Variants in C19orf47 observed in about 807,000 individuals in gnomAD.
C19orf47 encodes the protein uncharacterized protein C19orf47.
In C19orf47, 18 loss-of-function variants were observed where a neutral mutation model predicts 32.3. The ratio of observed to expected loss-of-function variants is 0.56; its 90% CI spans 0.39 to 0.83. The LOEUF (loss-of-function observed/expected upper bound fraction) is 0.83. Among genes scored for constraint, C19orf47 ranks in the 40% least tolerant of loss-of-function variants. C19orf47 has a pLI of 0.00. For missense variants in C19orf47, 484 were observed against 531.6 expected (o/e 0.91, Z 0.88); for synonymous variants, 202 against 211.1 (o/e 0.96, Z 0.37).
chr19:40,344,352 G>A (rs558271267), intron 1 of C19orf47, among the ~76,000 whole-genome samples: 22 of 151,868 alleles, frequency 1.4e-4, no homozygotes, highest in South Asian at 4.2e-4. Flanking sequence ...GGTGGTGGGC[G>A]CCTGTAATCC....
intron 1 of C19orf47, among the ~76,000 whole-genome samples, chr19:40,345,536 TAAAAAA>T (rs55954294): frequency 3.2e-4 from 36 of 110,850 alleles, no homozygotes; most frequent in African/African-American, 3.0e-4. Context: ...CTGTCACTGT[TAAAAAA>T]AAAAAAAAAA....
At chr19:40,306,790 A>ATT in the C19orf47 span, among the ~76,000 whole-genome samples, 1 of 65,544 alleles carries the variant, frequency 1.5e-5, no homozygotes, top group Non-Finnish European at 2.9e-5. Context: ...ATGTCATTAA[A>ATT]ATTTTTTTTT....
At chr19:40,297,008 ACAT>A in the C19orf47 span, among the ~76,000 whole-genome samples, 5 of 152,324 alleles carry the variant, frequency 3.3e-5, no homozygotes, top group East Asian at 9.6e-4. Context: ...TGCTCATTAA[ACAT>A]CATTATGCAG....
chr19:40,332,128 C>T (rs897764170), intron 5 of C19orf47, among the ~76,000 whole-genome samples: 7 of 151,424 alleles, frequency 4.6e-5, no homozygotes, highest in Non-Finnish European at 7.4e-5. Flanking sequence ...GAGGCTGAGG[C>T]AGGTGGATCG....
downstream of C19orf47, among the ~76,000 whole-genome samples, chr19:40,318,610 T>G (rs182467694): frequency 7.7e-4 from 117 of 152,212 alleles, no homozygotes; most frequent in South Asian, 6.2e-4. Context: ...GCAGGGAAAG[T>G]GCGCATGTGT....
At chr19:40,319,202 G>A (rs753922823), downstream of C19orf47, among the ~76,000 whole-genome samples, 83 of 151,796 alleles carry the variant, frequency 5.5e-4, no homozygotes, top group Non-Finnish European at 9.7e-4. Flanking sequence ...CCCTGGAGGT[G>A]GAGGTTTCAG....
the C19orf47 span, among the ~76,000 whole-genome samples, chr19:40,301,631 C>T: frequency 1.3e-5 from 2 of 151,780 alleles, no homozygotes; most frequent in East Asian, 2.0e-4. Flanking sequence ...CGAGCCACCG[C>T]GCCTGGCCTG....
At chr19:40,313,330 T>A in the C19orf47 span, among the ~76,000 whole-genome samples, 2 of 152,106 alleles carry the variant, frequency 1.3e-5, no homozygotes, top group African/African-American at 4.8e-5. Context: ...TTTTTTAAAT[T>A]TTTTATTTTT....
At chr19:40,348,429 C>A, upstream of C19orf47, 1 of 1,497,610 alleles carries the variant, frequency 6.7e-7, no homozygotes, top group Non-Finnish European at 8.8e-7. Flanking sequence ...CCGGAAGCAT[C>A]CTCTCACCGC....
chr19:40,348,320 TC>T lies in C19orf47; in HGVS notation c.-34+3del. On this transcript the variant is annotated splice_donor_region_variant and intron_variant, in intron 1 of 8. Coordinates refer to ENST00000683109, the MANE Select transcript of C19orf47 (RefSeq NM_001256441.2). ...AGTCCCACCACCCCCGGCCCGCGCC[TC>T]ACCTGGCCCACCGGGCCCGCGCCCA... 7.8e-7 allele frequency: 1 copy of T among 1,288,974 alleles called. No homozygotes were observed. Among genetic ancestry groups the T allele is most frequent in the Non-Finnish European group, 9.8e-7 (1 of 1,017,880 alleles). 79.8% of individuals were successfully genotyped at this position (1,288,974 alleles called of 1,614,324 possible).
rs2078375531 is a variant in C19orf47, at chr19:40,348,366, C to T, written c.-76G>A. ...CGCCCACTCGCGCCGCCCGCCCTCC[C>T]TCCCGGCGGCGCCAACTGTCAGACA... On this transcript the variant is annotated 5_prime_UTR_variant, in exon 1 of 9. Transcript: ENST00000683109. The T allele has an allele frequency of 7.1e-7, 1 of 1,411,822 alleles. No individual in the cohort carries two copies. The highest frequency in any genetic ancestry group is 3.1e-5 in the East Asian group (1 of 32,602). 87.5% of individuals were successfully genotyped at this position (1,411,822 alleles called of 1,614,324 possible).
chr19:40,332,889 G>C (rs934511825), intron 5 of C19orf47, among the ~76,000 whole-genome samples: 1 of 152,170 alleles, frequency 6.6e-6, no homozygotes, highest in African/African-American at 2.4e-5. Flanking sequence ...CTGTAAACAA[G>C]CATCCTTTGC....
chr19:40,338,825 G>A (rs1013009930), intron 2 of C19orf47, among the ~76,000 whole-genome samples: 1 of 152,142 alleles, frequency 6.6e-6, no homozygotes, highest in Non-Finnish European at 1.5e-5. Context: ...GCTAAGGTAT[G>A]GGGTTTCAAG....
At chr19:40,341,512 C>T (rs557875783) in intron 2 of C19orf47, among the ~76,000 whole-genome samples, 7 of 152,170 alleles carry the variant, frequency 4.6e-5, no homozygotes, top group Non-Finnish European at 1.0e-4. Context: ...CTTTTACATG[C>T]TATAATCTCC....
downstream of C19orf47, among the ~76,000 whole-genome samples, chr19:40,314,981 G>C (rs574175490): frequency 6.6e-6 from 1 of 152,278 alleles, no homozygotes; most frequent in African/African-American, 2.4e-5. Context: ...TAATATGTCT[G>C]ACCAGAACTC....
At chr19:40,327,248 A>C (rs2077851463) in intron 6 of C19orf47, among the ~76,000 whole-genome samples, 1 of 151,624 alleles carries the variant, frequency 6.6e-6, no homozygotes, top group African/African-American at 2.4e-5. Context: ...TCCTGACCTC[A>C]GGTGATCCGC....
At chr19:40,347,432 T>C (rs1027318179) in intron 1 of C19orf47, among the ~76,000 whole-genome samples, 4 of 151,920 alleles carry the variant, frequency 2.6e-5, no homozygotes, top group African/African-American at 9.7e-5. Context: ...CTCGGAAGGT[T>C]GAGGCAGGAG....
intron 1 of C19orf47, among the ~76,000 whole-genome samples, chr19:40,345,196 C>G (rs1568629956): frequency 6.6e-6 from 1 of 152,102 alleles, no homozygotes; most frequent in Non-Finnish European, 1.5e-5. Context: ...CTTAAAAGCC[C>G]ATCTCCAGCA....
At chr19:40,335,022 AAGGGAAGG>A (rs1167626080) in intron 4 of C19orf47, 1 of 101,218 alleles carries the variant, frequency 9.9e-6, no homozygotes, top group Non-Finnish European at 2.0e-5. Flanking sequence ...GGGAAGGAGG[AAGGGAAGG>A]AGGGAAGGAG....
Sources: gnomAD v4.1 joint callset for allele counts (sites outside exome capture counted in the v4.1 genomes callset) on GRCh38, gnomAD v4.1.1 for gene constraint, MANE v1.5 for transcripts, NCBI Gene and HGNC (gene_info 2026-07-23, HGNC 2026-07-21) for gene names.